Variants in UNC13C observed in about 807,000 individuals in gnomAD.
UNC13C encodes the protein unc-13 homolog C.
Under a neutral mutation model 245.4 loss-of-function variants are expected in UNC13C, and 174 were observed. The ratio of observed to expected loss-of-function variants is 0.71; its 90% CI spans 0.63 to 0.80. UNC13C has a LOEUF of 0.80. Among genes scored for constraint, UNC13C ranks in the 30% least tolerant of loss-of-function variants. The pLI, the probability that UNC13C is intolerant of heterozygous loss-of-function variation, is 0.00. For missense variants in UNC13C, 2,829 were observed against 2,602.9 expected (o/e 1.09, Z -1.89); for synonymous variants, 992 against 895.1 (o/e 1.11, Z -1.93).
chr15:54,401,195 A>G (rs1316028128), intron 18 of UNC13C, among the ~76,000 whole-genome samples: 2 of 152,110 alleles, frequency 1.3e-5, no homozygotes, highest in African/African-American at 2.4e-5. Flanking sequence ...TTTCTGCTCT[A>G]TTGAACTTTT....
At chr15:54,454,913 A>G (rs1183137443) in intron 19 of UNC13C, among the ~76,000 whole-genome samples, 4 of 151,856 alleles carry the variant, frequency 2.6e-5, no homozygotes, top group Admixed American at 6.6e-5. Context: ...TAGTGCACCC[A>G]TCACGTCAGT....
intron 18 of UNC13C, among the ~76,000 whole-genome samples, chr15:54,403,276 C>A (rs1222354990): frequency 6.6e-6 from 1 of 152,086 alleles, no homozygotes; most frequent in Non-Finnish European, 1.5e-5. Flanking sequence ...GAGCTGGGCT[C>A]ATGCTGGTAT....
intron 11 of UNC13C, among the ~76,000 whole-genome samples, chr15:54,296,625 C>T (rs960162912): frequency 1.3e-5 from 2 of 152,038 alleles, no homozygotes; most frequent in African/African-American, 4.8e-5. Context: ...ACACAAATGA[C>T]GATTAAAGAA....
intron 2 of UNC13C, among the ~76,000 whole-genome samples, chr15:54,053,346 C>G (rs925895826): frequency 2.0e-5 from 3 of 152,052 alleles, no homozygotes; most frequent in Non-Finnish European, 4.4e-5. Context: ...TTTTCTTATT[C>G]TTAACTCAGA....
At chr15:54,548,342 C>T (rs1229405743) in intron 27 of UNC13C, among the ~76,000 whole-genome samples, 2 of 151,172 alleles carry the variant, frequency 1.3e-5, no homozygotes, top group Non-Finnish European at 2.9e-5. Context: ...CTGCCTCAGC[C>T]TCCCAAGTAG....
chr15:54,318,156 A>G (rs1196264305), intron 13 of UNC13C, among the ~76,000 whole-genome samples: 1 of 151,974 alleles, frequency 6.6e-6, no homozygotes, highest in Non-Finnish European at 1.5e-5. Flanking sequence ...GGTTGATTCT[A>G]TTCCTTGGCT....
At position 54,013,187 on chromosome 15, in the gene UNC13C, G is replaced by A. The variant is rs762237766; in HGVS notation, c.284G>A (p.Arg95Gln). The change falls in exon 2 of 33, where the codon CGA becomes CAA. Residue 95 changes from arginine (R) to glutamine (Q), a missense_variant. Coordinates refer to ENST00000260323, the MANE Select transcript of UNC13C (RefSeq NM_001080534.3). ...EFSLSPTFSY[R>Q]VAIANGLQKN... ...TCCCTCTCACCAACATTCAGTTACC[G>A]AGTAGCTATTGCCAATGGCCTACAA... is the stretch of plus-strand genomic sequence containing the variant. 9.3e-6 allele frequency: 15 copies of A among 1,613,644 alleles called. 1 individual carries two copies. Among genetic ancestry groups the A allele is most frequent in the South Asian group, 7.7e-5 (7 of 91,068 alleles).
At position 54,315,362 on chromosome 15, in the gene UNC13C, C is replaced by T. The variant is rs569206367; in HGVS notation, c.4269-6577C>T. On this transcript the variant is annotated intron_variant, in intron 13 of 32. Transcript: ENST00000260323. The stretch of plus-strand genomic sequence containing the variant: ...TTTGTCAAGTCAAATAACTTCTTTT[C>T]TGTCCTATTTTATAAGACTCTTACT... Among the ~76,000 whole-genome samples the T allele has an allele frequency of 5.5e-3, 829 of 151,666 alleles. 4 individuals are homozygous for T. Among genetic ancestry groups the T allele is most frequent in the Non-Finnish European group, 8.7e-3 (588 of 67,784 alleles).
intron 2 of UNC13C, among the ~76,000 whole-genome samples, chr15:54,037,437 T>TA (rs764626689): frequency 3.2e-4 from 48 of 151,670 alleles, no homozygotes; most frequent in South Asian, 1.7e-3. Flanking sequence ...CATGCAAAAA[T>TA]AAAAAAAAAT....
chr15:54,068,058 T>A (rs747016034), intron 2 of UNC13C, among the ~76,000 whole-genome samples: 17 of 152,160 alleles, frequency 1.1e-4, no homozygotes, highest in Non-Finnish European at 2.1e-4. Flanking sequence ...AAATTTCCCA[T>A]CCCTTCAATT....
intron 2 of UNC13C, among the ~76,000 whole-genome samples, chr15:54,138,952 A>ACTTTTTTTTTTTTTT (rs1360382837): frequency 4.9e-5 from 1 of 20,494 alleles, no homozygotes; most frequent in Non-Finnish European, 1.1e-4. Flanking sequence ...AATTTCCCCT[A>ACTTTTTTTTTTTTTT]ATTTTTTTTT....
chr15:54,527,223 A>G (rs371112454), intron 25 of UNC13C, among the ~76,000 whole-genome samples: 1 of 152,212 alleles, frequency 6.6e-6, no homozygotes, highest in Admixed American at 6.5e-5. Context: ...TGTAGGGTTC[A>G]TTGGCTCTGA....
At chr15:53,971,167 T>C in the UNC13C span, among the ~76,000 whole-genome samples, 1 of 152,186 alleles carries the variant, frequency 6.6e-6, no homozygotes, top group Non-Finnish European at 1.5e-5. Context: ...TTGAGAAATG[T>C]CTATTCAAGT....
chr15:53,869,455 T>C, the UNC13C span, among the ~76,000 whole-genome samples: 2 of 152,234 alleles, frequency 1.3e-5, no homozygotes, highest in Non-Finnish European at 2.9e-5. Flanking sequence ...CTAATTCCCT[T>C]GTGGGCTTAA....
intron 29 of UNC13C, among the ~76,000 whole-genome samples, chr15:54,556,818 T>A (rs910436008): frequency 6.6e-6 from 1 of 151,966 alleles, no homozygotes; most frequent in South Asian, 2.1e-4. Context: ...TGAATTCAAC[T>A]CTTCATGCAT....
At position 54,159,247 on chromosome 15, in the gene UNC13C, G is replaced by A. The variant is rs947403477; in HGVS notation, c.3071+15563G>A. Among the ~76,000 whole-genome samples the A allele has an allele frequency of 3.3e-5, 5 of 152,258 alleles. No homozygotes were observed. In the South Asian group the frequency reaches 8.3e-4, roughly 25 times the overall value. The stretch of plus-strand genomic sequence containing the variant: ...GTAAACATGCTGATTCAATAATTTC[G>A]AAGTTTCACTAGCATTCAAATTCTT... On this transcript the variant is annotated intron_variant, in intron 4 of 32. Transcript: ENST00000260323.
intron 19 of UNC13C, among the ~76,000 whole-genome samples, chr15:54,482,635 A>ATGCTGTATTCCACTGTTCTCTCCCAGG (rs1473877175): frequency 6.6e-6 from 1 of 152,118 alleles, no homozygotes; most frequent in Non-Finnish European, 1.5e-5. Context: ...TCTCTCCCAG[A>ATGCTGTATTCCACTGTTCTCTCCCAGG]TGCTGTATTC....
At chr15:53,972,770 C>T in the UNC13C span, 2 of 152,070 alleles carry the variant, frequency 1.3e-5, no homozygotes, top group Non-Finnish European at 2.9e-5. Flanking sequence ...ATGTTATTCA[C>T]ATTTGTACTC....
chr15:54,402,025 G>A (rs1288718776), intron 18 of UNC13C, among the ~76,000 whole-genome samples: 1 of 150,018 alleles, frequency 6.7e-6, no homozygotes, highest in Non-Finnish European at 1.5e-5. Flanking sequence ...AATGACACAT[G>A]TATTTCAATA....
Sources: allele counts gnomAD v4.1 joint callset (sites outside exome capture counted in the v4.1 genomes callset), GRCh38; gene constraint gnomAD v4.1.1; transcripts MANE v1.5; gene names NCBI Gene and HGNC (gene_info 2026-07-23, HGNC 2026-07-21).